The following TLR4 variants were observed in gnomAD, a reference collection of about 807,000 sequenced individuals.
TLR4 encodes toll-like receptor 4.
A neutral mutation model predicts 27.4 loss-of-function variants in TLR4; 17 were observed. That is an observed-to-expected ratio of 0.62 (90% confidence interval 0.42 to 0.93). TLR4 has a LOEUF of 0.93. Among genes scored for constraint, TLR4 ranks in the 40% least tolerant of loss-of-function variants. The pLI, the probability that TLR4 is intolerant of heterozygous loss-of-function variation, is 0.00. For missense variants in TLR4, 926 were observed against 962.3 expected (o/e 0.96, Z 0.50); for synonymous variants, 363 against 365.7 (o/e 0.99, Z 0.08).
Position 117,712,590 on chromosome 9 carries a change from A to C in TLR4, c.462A>C (p.Glu154Asp). Residue 154 changes from glutamate to aspartate, a missense_variant, in exon 3 of 3, where the codon GAA becomes GAC. By Grantham distance (45) the Glu-to-Asp change is conservative (BLOSUM62 2). Coordinates refer to ENST00000355622, the MANE Select transcript of TLR4 (RefSeq NM_138554.5). Reference sequence around the variant, plus strand: ...TTGGACATCTCAAAACTTTGAAAGAACTTAATGTGGCTCACAATCTTATCC... The same window carrying C: ...TTGGACATCTCAAAACTTTGAAAGACCTTAATGTGGCTCACAATCTTATCC... ...FPIGHLKTLKELNVAHNLIQS... is the reference protein window; with the variant it reads ...FPIGHLKTLKDLNVAHNLIQS... The C allele has an allele frequency of 6.2e-7, 1 of 1,614,076 alleles. No homozygotes were observed.
chr9:117,709,668 A>T (rs997291224), intron 2 of TLR4, among the ~76,000 whole-genome samples: 3 of 152,160 alleles, frequency 2.0e-5, no homozygotes, highest in Non-Finnish European at 4.4e-5. Flanking sequence ...ATTTTTTATT[A>T]TAGAAATTAT....
chr9:117,705,911 G>A (rs962189190), intron 1 of TLR4, among the ~76,000 whole-genome samples: 11 of 151,588 alleles, frequency 7.3e-5, no homozygotes, highest in Admixed American at 1.3e-4. Context: ...CTATCCATTG[G>A]CAATATTATG....
intron 2 of TLR4, 145 bp from the exon 3 acceptor site, chr9:117,712,244 T>C: frequency 1.3e-6 from 1 of 792,930 alleles, no homozygotes; most frequent in Admixed American, 2.1e-5. Flanking sequence ...TCCATCATCA[T>C]CTGTCCTGCT....
rs959363335 is a variant in TLR4, at chr9:117,716,808, T to C, written c.*2160T>C. 3 of 152,236 alleles carry C rather than the reference T, an allele frequency of 2.0e-5. No homozygotes were observed. The highest frequency in any genetic ancestry group is 2.0e-4 in the Admixed American group (3 of 15,276). 9.4% of individuals were successfully genotyped at this position (152,236 alleles called of 1,614,324 possible). ...TTGATTGTGGTGATGGTTTGACAGG[T>C]ATGTGACTATGTCTAAACTCATCAA... On this transcript the variant is annotated 3_prime_UTR_variant, in exon 3 of 3. Transcript: ENST00000355622.
At position 117,713,002 on chromosome 9, in the gene TLR4, TACTTAG is replaced by T. The variant is rs772388499; in HGVS notation, c.878_883del (p.Leu293_Asp294del). The T allele has an allele frequency of 1.7e-5, 28 of 1,613,980 alleles. No homozygotes were observed. The highest frequency in any genetic ancestry group is 2.2e-5 in the Non-Finnish European group (26 of 1,179,968). On this transcript the variant is annotated inframe_deletion, in exon 3 of 3. Transcript: ENST00000355622. ...GACCATTGAAGAATTCCGATTAGCATACTTAGACTACTACCTCGATGATATTATTGA... is the reference window on the plus strand; with the variant it reads ...GACCATTGAAGAATTCCGATTAGCATACTACTACCTCGATGATATTATTGA...
intron 2 of TLR4, 139 bp from the exon 3 acceptor site, chr9:117,712,250 C>A: frequency 1.2e-6 from 1 of 834,528 alleles, no homozygotes; most frequent in Non-Finnish European, 2.0e-6. Flanking sequence ...ATCATCTGTC[C>A]TGCTTGATGT....
At chr9:117,709,976 A>C (rs1483862803) in intron 2 of TLR4, among the ~76,000 whole-genome samples, 1 of 152,064 alleles carries the variant, frequency 6.6e-6, no homozygotes, top group Non-Finnish European at 1.5e-5. Flanking sequence ...TGCTGGATTA[A>C]ATGTGATAAT....
chr9:117,706,989 G>A (rs1049556115), intron 1 of TLR4, among the ~76,000 whole-genome samples: 25 of 152,312 alleles, frequency 1.6e-4, no homozygotes, highest in Non-Finnish European at 2.1e-4. Context: ...TAGTGATTCA[G>A]CAAATATTTA....
chr9:117,711,913 T>C (rs577974695), intron 2 of TLR4, among the ~76,000 whole-genome samples: 5 of 152,312 alleles, frequency 3.3e-5, no homozygotes, highest in Non-Finnish European at 2.9e-5. Context: ...GTGACACTTA[T>C]GTGTAATTTT....
rs757081648 is a variant in TLR4, at chr9:117,714,537, G to C, written c.2409G>C (p.Gly803=). 6.2e-7 allele frequency: 1 copy of C among 1,613,870 alleles called. No homozygotes were observed. Among genetic ancestry groups the C allele is most frequent in the Admixed American group, 1.7e-5 (1 of 60,006 alleles). Residue 803 remains glycine, a synonymous_variant, in exon 3 of 3, where the codon GGG becomes GGC. Transcript: ENST00000355622. Reference sequence around the variant, plus strand: ...TGGAGTGGGAGGACAGTGTCCTGGGGCGGCACATCTTCTGGAGACGACTCA... The same window carrying C: ...TGGAGTGGGAGGACAGTGTCCTGGGCCGGCACATCTTCTGGAGACGACTCA... The part of the protein sequence containing the change: ...TYLEWEDSVL[G]RHIFWRRLRK...
At chr9:117,711,912 A>C (rs566810190) in intron 2 of TLR4, among the ~76,000 whole-genome samples, 4 of 152,276 alleles carry the variant, frequency 2.6e-5, no homozygotes, top group Admixed American at 2.0e-4. Flanking sequence ...TGTGACACTT[A>C]TGTGTAATTT....
rs1829409643 is a variant in TLR4, at chr9:117,720,461, G to A, written c.*5813G>A. The A allele has an allele frequency of 6.6e-6, 1 of 152,134 alleles. No homozygotes were observed. The highest frequency in any genetic ancestry group is 2.4e-5 in the African/African-American group (1 of 41,430). The allele number at this position is 152,134 out of a possible 1,614,324, so 9.4% of individuals were successfully genotyped here. On this transcript the variant is annotated 3_prime_UTR_variant, in exon 3 of 3. Coordinates refer to ENST00000355622, the MANE Select transcript of TLR4 (RefSeq NM_138554.5). ...CTAAGTGACAATTCTGAGTGTAAATGCGCTTTTTGGCACAAATTGTCCTGT... is the reference window on the plus strand; with the variant it reads ...CTAAGTGACAATTCTGAGTGTAAATACGCTTTTTGGCACAAATTGTCCTGT...
rs537921846 is a variant in TLR4 at position 117,712,607 on chromosome 9, A to G, written c.479A>G (p.Asn160Ser). The G allele has an allele frequency of 2.1e-5, 34 of 1,614,070 alleles. No individual in the cohort carries two copies. In the South Asian group the frequency reaches 2.7e-4, roughly 13 times the overall value. ...TTGAAAGAACTTAATGTGGCTCACA[A>G]TCTTATCCAATCTTTCAAATTACCT... ...KTLKELNVAH[N>S]LIQSFKLPEY... Residue 160 changes from asparagine (N) to serine (S), a missense_variant, in exon 3 of 3, where the codon AAT becomes AGT. Transcript: ENST00000355622.
At chr9:117,706,734 G>A (rs1031957114) in intron 1 of TLR4, among the ~76,000 whole-genome samples, 1 of 152,166 alleles carries the variant, frequency 6.6e-6, no homozygotes, top group African/African-American at 2.4e-5. Flanking sequence ...TTTCTGGGAA[G>A]CCTTTCCTGA....
rs1419089907 is a variant in TLR4, at chr9:117,720,580, T to C, written c.*5932T>C. 6.6e-6 allele frequency: 1 copy of C among 152,212 alleles called. No individual in the cohort carries two copies. Among genetic ancestry groups the C allele is most frequent in the Non-Finnish European group, 1.5e-5 (1 of 68,044 alleles). The allele number at this position is 152,212 out of a possible 1,614,324, so 9.4% of individuals were successfully genotyped here. A position where few individuals can be genotyped will look rare whatever the true frequency, so the allele number is the denominator to read the frequency against. The stretch of plus-strand genomic sequence containing the variant: ...CAATAAAGGTTTAGAAATGACGTGA[T>C]GTTTATGAGAGAAGTGTTTTGTTGA... On this transcript the variant is annotated 3_prime_UTR_variant, in exon 3 of 3. Coordinates refer to ENST00000355622, the MANE Select transcript of TLR4 (RefSeq NM_138554.5).
chr9:117,714,154 G>GC lies in TLR4; in HGVS notation c.2028dup (p.Phe677LeufsTer9), dbSNP rs752983919. ...TGGTAGAGGTGAAAACATCTATGAT[G>GC]CCTTTGTTATCTACTCAAGCCAGGA... On this transcript the variant is annotated frameshift_variant, in exon 3 of 3. Transcript: ENST00000355622. LOFTEE classifies it high-confidence loss of function. 1 of 1,614,066 alleles carries GC rather than the reference G, an allele frequency of 6.2e-7. No homozygotes were observed. Among genetic ancestry groups the GC allele is most frequent in the African/African-American group, 1.3e-5 (1 of 75,036 alleles).
rs1829443087 is a variant in TLR4 at position 117,723,319 on chromosome 9, A to G, written c.*8671A>G. The stretch of plus-strand genomic sequence containing the variant: ...TATCCATGTATTTATAATATTTCCC[A>G]TGTTCCCTCATTTCTGAAAAGGATT... On this transcript the variant is annotated 3_prime_UTR_variant, in exon 3 of 3. Coordinates refer to ENST00000355622, the MANE Select transcript of TLR4 (RefSeq NM_138554.5). 6.6e-6 allele frequency: 1 copy of G among 152,138 alleles called. No homozygotes were observed. The highest frequency in any genetic ancestry group is 1.5e-5 in the Non-Finnish European group (1 of 68,032). The allele number at this position is 152,138 out of a possible 1,614,324, so 9.4% of individuals were successfully genotyped here.
chr9:117,722,785 G>A lies in TLR4; in HGVS notation c.*8137G>A, dbSNP rs1829436478. The A allele has an allele frequency of 6.6e-6, 1 of 152,130 alleles. No individual in the cohort carries two copies. Among genetic ancestry groups the A allele is most frequent in the South Asian group, 2.1e-4 (1 of 4,822 alleles). The allele number at this position is 152,130 out of a possible 1,614,324, so 9.4% of individuals were successfully genotyped here. A position where few individuals can be genotyped will look rare whatever the true frequency, so the allele number is the denominator to read the frequency against. The stretch of plus-strand genomic sequence containing the variant: ...GTCAGATCAGCATTTTCAAAAGTGT[G>A]ACATGTTAGTAAATAAGATGATTTT... On this transcript the variant is annotated 3_prime_UTR_variant, in exon 3 of 3. Transcript: ENST00000355622.
chr9:117,713,775 T>C lies in TLR4; in HGVS notation c.1647T>C (p.Leu549=). The C allele has an allele frequency of 6.2e-7, 1 of 1,614,000 alleles. No homozygotes were observed. Among genetic ancestry groups the C allele is most frequent in the Non-Finnish European group, 8.5e-7 (1 of 1,180,006 alleles). The change falls in exon 3 of 3, where the codon CTT becomes CTC. Residue 549 remains leucine (L), a synonymous_variant. Coordinates refer to ENST00000355622, the MANE Select transcript of TLR4 (RefSeq NM_138554.5). ...PYKCLNSLQV[L]DYSLNHIMTS... is the part of the protein sequence containing the mutation. The stretch of plus-strand genomic sequence containing the variant: ...AGTGTCTGAACTCCCTCCAGGTTCT[T>C]GATTACAGTCTCAATCACATAATGA...
Sources: gnomAD v4.1 joint callset for allele counts (sites outside exome capture counted in the v4.1 genomes callset) on GRCh38, gnomAD v4.1.1 for gene constraint, MANE v1.5 for transcripts, NCBI Gene and HGNC (gene_info 2026-07-23, HGNC 2026-07-21) for gene names.